SPRED2: variants seen among roughly 807,000 people sequenced by gnomAD.
SPRED2 encodes sprouty-related, EVH1 domain-containing protein 2.
A neutral mutation model predicts 43.0 loss-of-function variants in SPRED2; 47 were observed. That is an observed-to-expected ratio of 1.09 (90% CI 0.87 to 1.40). The LOEUF is 1.40. SPRED2 is among the 40% of genes most tolerant of loss of function. The probability of loss-of-function intolerance (pLI) is 0.00; values close to 1 mark genes in which losing one functional copy is unlikely to be tolerated. For missense variants in SPRED2, 561 were observed against 586.4 expected, an observed-to-expected ratio of 0.96 and a Z score of 0.45; for synonymous variants, 225 against 225.7, an observed-to-expected ratio of 1.00 and a Z score of 0.03.
chr2:65,371,954 TC>T (rs2104341709), intron 1 of SPRED2, among the ~76,000 whole-genome samples: 1 of 152,156 alleles, frequency 6.6e-6, no homozygotes, highest in Non-Finnish European at 1.5e-5. Context: ...ATGCCTGTAA[TC>T]CCAGCTACTT....
chr2:65,346,328 AT>A (rs142250100), intron 1 of SPRED2, among the ~76,000 whole-genome samples: 61 of 144,214 alleles, frequency 4.2e-4, no homozygotes, highest in African/African-American at 1.4e-3. Flanking sequence ...CATTCCTTTC[AT>A]TTTTTTTTTC....
intron 1 of SPRED2, among the ~76,000 whole-genome samples, chr2:65,392,070 T>A (rs1675648979): frequency 6.6e-6 from 1 of 152,030 alleles, no homozygotes. Context: ...TATTAACTCA[T>A]AATGGAGGCA....
intron 1 of SPRED2, among the ~76,000 whole-genome samples, chr2:65,421,717 A>G (rs1318129562): frequency 1.3e-5 from 2 of 152,236 alleles, no homozygotes; most frequent in Non-Finnish European, 2.9e-5. Flanking sequence ...TCCCTATTCC[A>G]CAGAGCTGAA....
At chr2:65,424,333 G>A (rs2103806891) in intron 1 of SPRED2, among the ~76,000 whole-genome samples, 1 of 152,196 alleles carries the variant, frequency 6.6e-6, no homozygotes, top group African/African-American at 2.4e-5. Context: ...GTTAAATTGT[G>A]AAAAATTGTT....
downstream of SPRED2, among the ~76,000 whole-genome samples, chr2:65,309,885 C>T (rs1354810351): frequency 3.9e-5 from 6 of 152,142 alleles, no homozygotes; most frequent in Non-Finnish European, 2.9e-5. Context: ...AAGGAAGGAA[C>T]AGAGGCATCA....
At chr2:65,353,839 T>A (rs1674574512) in intron 1 of SPRED2, among the ~76,000 whole-genome samples, 1 of 152,246 alleles carries the variant, frequency 6.6e-6, no homozygotes, top group South Asian at 2.1e-4. Flanking sequence ...TCCAGGTCAC[T>A]AGAGCCAGAG....
Position 65,326,923 on chromosome 2 carries a change from C to T in SPRED2, c.438+5064G>A, listed in dbSNP as rs532956324. On this transcript the variant is annotated intron_variant, in intron 4 of 5. Coordinates refer to ENST00000356388, the MANE Select transcript of SPRED2 (RefSeq NM_181784.3). ...TGGTACAATCACAGCTCACTGCAGC[C>T]TTGACCTCTCAGGCTCAAGAGATCC... Among the ~76,000 whole-genome samples the T allele has an allele frequency of 2.6e-5, 4 of 152,300 alleles. No individual in the cohort carries two copies. In the South Asian group the frequency reaches 8.3e-4, roughly 32 times the overall value.
Position 65,364,806 on chromosome 2 carries a change from G to A in SPRED2, c.27-19910C>T, listed in dbSNP as rs186789161. Among the ~76,000 whole-genome samples, 834 of 151,830 alleles carry A rather than the reference G, an allele frequency of 5.5e-3. 6 individuals are homozygous for A. The highest frequency in any genetic ancestry group is 6.1e-3 in the Non-Finnish European group (417 of 67,936). Reference sequence around the variant, plus strand: ...TGCTACCATGAAACCTAATGTTTCCGTGAAAGCACAGGAAATTAGTTATTC... The same window carrying A: ...TGCTACCATGAAACCTAATGTTTCCATGAAAGCACAGGAAATTAGTTATTC... On this transcript the variant is annotated intron_variant, in intron 1 of 5. Transcript: ENST00000356388.
chr2:65,335,874 A>G (rs889267368), intron 2 of SPRED2, among the ~76,000 whole-genome samples: 1 of 152,246 alleles, frequency 6.6e-6, no homozygotes, highest in Non-Finnish European at 1.5e-5. Context: ...GCTTCATTAC[A>G]AACACCATAA....
downstream of SPRED2, chr2:65,308,195 G>A (rs1672981011): frequency 3.2e-6 from 2 of 634,452 alleles, no homozygotes; most frequent in South Asian, 1.4e-4. Context: ...CCAAAGGCCA[G>A]AGAAGCGGGG....
chr2:65,426,293 C>T (rs1471955039), intron 1 of SPRED2, among the ~76,000 whole-genome samples: 4 of 152,030 alleles, frequency 2.6e-5, no homozygotes, highest in African/African-American at 9.7e-5. Flanking sequence ...TCTCAGGAGG[C>T]TTATATATAT....
chr2:65,410,892 A>C (rs1676142920), intron 1 of SPRED2, among the ~76,000 whole-genome samples: 1 of 152,208 alleles, frequency 6.6e-6, no homozygotes, highest in Non-Finnish European at 1.5e-5. Flanking sequence ...TTGTACTTGT[A>C]GACTTTTCCT....
chr2:65,397,847 C>T (rs576750262), intron 1 of SPRED2, among the ~76,000 whole-genome samples: 1 of 152,132 alleles, frequency 6.6e-6, no homozygotes, highest in East Asian at 1.9e-4. Flanking sequence ...CAATTCCCAT[C>T]AAAATACCAC....
At chr2:65,428,620 C>T (rs1676608280) in intron 1 of SPRED2, among the ~76,000 whole-genome samples, 1 of 152,188 alleles carries the variant, frequency 6.6e-6, no homozygotes, top group Non-Finnish European at 1.5e-5. Flanking sequence ...AATACTTACA[C>T]CTGTTTTATT....
At chr2:65,382,876 G>A (rs906552772) in intron 1 of SPRED2, among the ~76,000 whole-genome samples, 2 of 152,200 alleles carry the variant, frequency 1.3e-5, no homozygotes, top group African/African-American at 4.8e-5. Context: ...AGAAGCCACG[G>A]TGTGGCGCAG....
chr2:65,332,713 T>C (rs1277502360), intron 3 of SPRED2, among the ~76,000 whole-genome samples: 2 of 152,222 alleles, frequency 1.3e-5, no homozygotes, highest in Non-Finnish European at 2.9e-5. Context: ...AAACCCTCCT[T>C]ATTCCATCAT....
intron 4 of SPRED2, among the ~76,000 whole-genome samples, chr2:65,328,786 T>G (rs1279454683): frequency 6.6e-6 from 1 of 152,152 alleles, no homozygotes; most frequent in East Asian, 1.9e-4. Flanking sequence ...AAGAAAACAC[T>G]TAGAAAGCCA....
intron 3 of SPRED2, chr2:65,334,245 G>T: frequency 2.1e-6 from 1 of 474,238 alleles, no homozygotes; most frequent in South Asian, 1.5e-5. Flanking sequence ...TTCTGGGCCC[G>T]CCAGAATCCA....
intron 1 of SPRED2, among the ~76,000 whole-genome samples, chr2:65,376,736 A>G (rs762455299): frequency 1.3e-5 from 2 of 151,586 alleles, no homozygotes; most frequent in Non-Finnish European, 2.9e-5. Flanking sequence ...TTTTTTTGAG[A>G]TGGAGTCTCA....
Sources: gnomAD v4.1 joint callset for allele counts (sites outside exome capture counted in the v4.1 genomes callset) on GRCh38, gnomAD v4.1.1 for gene constraint, MANE v1.5 for transcripts, NCBI Gene and HGNC (gene_info 2026-07-23, HGNC 2026-07-21) for gene names.